The following ITGA6 variants were observed in gnomAD, a reference collection of about 807,000 sequenced individuals.
ITGA6 encodes the protein integrin subunit alpha 6.
Under a neutral mutation model 133.6 loss-of-function variants are expected in ITGA6, and 63 were observed. The ratio of observed to expected loss-of-function variants is 0.47; its 90% CI spans 0.38 to 0.58. The LOEUF is 0.58. Ranked by LOEUF, ITGA6 falls within the 20% of genes least tolerant of loss-of-function variation. The pLI, the probability that ITGA6 is intolerant of heterozygous loss-of-function variation, is 0.00. For missense variants in ITGA6, 1,068 were observed against 1,309.4 expected (o/e 0.82, Z 2.85); for synonymous variants, 434 against 482.0 (o/e 0.90, Z 1.30).
chr2:172,444,692 C>T (rs1574327506), intron 1 of ITGA6, among the ~76,000 whole-genome samples: 2 of 145,630 alleles, frequency 1.4e-5, no homozygotes, highest in African/African-American at 5.1e-5. Flanking sequence ...CCCCAAACCC[C>T]CCTGAGTTTC....
intron 1 of ITGA6, among the ~76,000 whole-genome samples, chr2:172,436,486 C>A (rs1684325363): frequency 6.6e-6 from 1 of 152,152 alleles, no homozygotes. Context: ...GGGAGGTAAG[C>A]TCTGAGAGAC....
chr2:172,497,683 A>T (rs185249676), intron 23 of ITGA6, among the ~76,000 whole-genome samples: 2 of 152,158 alleles, frequency 1.3e-5, no homozygotes, highest in African/African-American at 4.8e-5. Flanking sequence ...AGGGTTCATT[A>T]TACAGTTTAC....
chr2:172,450,986 TA>T (rs1684971479), intron 1 of ITGA6, among the ~76,000 whole-genome samples: 1 of 147,600 alleles, frequency 6.8e-6, no homozygotes, highest in South Asian at 2.1e-4. Flanking sequence ...TGTGTGTGTA[TA>T]TATATACACA....
rs539372215 is a variant in ITGA6 at position 172,496,777 on chromosome 2, G to C, written c.2989-1198G>C. On this transcript the variant is annotated intron_variant, in intron 23 of 25. Coordinates refer to ENST00000684293, the MANE Select transcript of ITGA6 (RefSeq NM_000210.4). ...GGTCTTTAGCATGCTTTGAAAAATAGTTCCTGGTATCACAAAAGTTCATTT... is the reference window on the plus strand; with the variant it reads ...GGTCTTTAGCATGCTTTGAAAAATACTTCCTGGTATCACAAAAGTTCATTT... Among the ~76,000 whole-genome samples, 6 of 152,318 alleles carry C rather than the reference G, an allele frequency of 3.9e-5. No individual in the cohort carries two copies. The South Asian group carries it at 6.2e-4, about 16-fold the overall frequency.
chr2:172,456,478 C>T (rs928356428), intron 1 of ITGA6, among the ~76,000 whole-genome samples: 2 of 152,196 alleles, frequency 1.3e-5, no homozygotes, highest in African/African-American at 4.8e-5. Flanking sequence ...CAAACTAGGA[C>T]ACGTTTAATG....
At chr2:172,462,846 T>C (rs1178644746) in intron 1 of ITGA6, among the ~76,000 whole-genome samples, 1 of 152,218 alleles carries the variant, frequency 6.6e-6, no homozygotes, top group Non-Finnish European at 1.5e-5. Flanking sequence ...CCTTTAGCGC[T>C]GCTGACCAGG....
At chr2:172,436,948 T>C (rs563401492) in intron 1 of ITGA6, among the ~76,000 whole-genome samples, 10 of 151,898 alleles carry the variant, frequency 6.6e-5, no homozygotes, top group African/African-American at 2.2e-4. Context: ...AAATATAAAG[T>C]AGAGAGGGAA....
At position 172,501,747 on chromosome 2, in the gene ITGA6, G is replaced by T; in HGVS notation, c.3115-25G>T. ...CTCTTATACACAAAACTGTAAAATT[G>T]ACTAAATACCTTGCTTCCTTGTAGT... On this transcript the variant is annotated intron_variant, in intron 24 of 25. Coordinates refer to ENST00000684293, the MANE Select transcript of ITGA6 (RefSeq NM_000210.4). 4 of 1,609,112 alleles carry T rather than the reference G, an allele frequency of 2.5e-6. No individual in the cohort carries two copies. In the South Asian group the frequency reaches 3.3e-5, roughly 13 times the overall value.
intron 1 of ITGA6, among the ~76,000 whole-genome samples, chr2:172,431,520 G>T (rs1003159349): frequency 6.6e-6 from 1 of 152,150 alleles, no homozygotes; most frequent in Non-Finnish European, 1.5e-5. Flanking sequence ...CAAGTTCTGG[G>T]TCCGTCCTTC....
chr2:172,428,779 C>T (rs539746173), intron 1 of ITGA6, among the ~76,000 whole-genome samples: 9 of 152,300 alleles, frequency 5.9e-5, no homozygotes, highest in African/African-American at 2.2e-4. Flanking sequence ...CAACCCCCCA[C>T]CGTAGCGGTA....
At chr2:172,441,930 T>C (rs1684560889) in intron 1 of ITGA6, among the ~76,000 whole-genome samples, 1 of 152,178 alleles carries the variant, frequency 6.6e-6, no homozygotes, top group African/African-American at 2.4e-5. Flanking sequence ...AGCTAGCTAA[T>C]GTGTCTGTTT....
chr2:172,502,089 GCA>G (rs1472914978), intron 25 of ITGA6, among the ~76,000 whole-genome samples, 188 bp downstream of exon 25: 2 of 151,944 alleles, frequency 1.3e-5, no homozygotes, highest in African/African-American at 2.4e-5. Flanking sequence ...TTTTTTTAAT[GCA>G]CAGTCTTTCG....
intron 1 of ITGA6, among the ~76,000 whole-genome samples, chr2:172,429,336 A>G (rs1303660762): frequency 6.6e-6 from 1 of 152,142 alleles, no homozygotes; most frequent in African/African-American, 2.4e-5. Flanking sequence ...CTGAAATGAA[A>G]GGTTCCTGTT....
chr2:172,436,838 G>A (rs1352041567), intron 1 of ITGA6, among the ~76,000 whole-genome samples: 1 of 152,172 alleles, frequency 6.6e-6, no homozygotes, highest in Non-Finnish European at 1.5e-5. Context: ...TCTGATCGGG[G>A]AGACAAACCA....
chr2:172,483,553 G>A lies in ITGA6; in HGVS notation c.1550-1229G>A, dbSNP rs374767227. ...TGCTTAATGAATGTAAGTAATTTAA[G>A]TATTGGCCCATGAAAAACAAAGTTA... On this transcript the variant is annotated intron_variant, in intron 11 of 25. Coordinates refer to ENST00000684293, the MANE Select transcript of ITGA6 (RefSeq NM_000210.4). Among the ~76,000 whole-genome samples, 8 of 152,270 alleles carry A rather than the reference G, an allele frequency of 5.3e-5. No homozygotes were observed. The East Asian group carries it at 9.7e-4, about 18-fold the overall frequency.
chr2:172,478,880 TATTA>T lies in ITGA6; in HGVS notation c.1389-757_1389-754del, dbSNP rs549177069. On this transcript the variant is annotated intron_variant, in intron 9 of 25. Coordinates refer to ENST00000684293, the MANE Select transcript of ITGA6 (RefSeq NM_000210.4). ...AGACTCCCAAGTTCAGGATTGCCTGTATTAATTCACATACTGTAGACACGCTGAT... is the reference window on the plus strand; with the variant it reads ...AGACTCCCAAGTTCAGGATTGCCTGTATTCACATACTGTAGACACGCTGAT... Among the ~76,000 whole-genome samples the T allele has an allele frequency of 1.5e-4, 23 of 152,344 alleles. 1 individual carries two copies. In the South Asian group the frequency reaches 4.4e-3, roughly 29 times the overall value.
chr2:172,427,456 C>A (rs942815804), upstream of ITGA6: 124 of 1,054,934 alleles, frequency 1.2e-4, 1 homozygote, highest in Non-Finnish European at 7.9e-5. Flanking sequence ...CAGCTGGAGA[C>A]GCCAGAGCCG....
intron 1 of ITGA6, chr2:172,428,561 AAG>A (rs1683972217): frequency 6.6e-6 from 1 of 150,944 alleles, no homozygotes. Context: ...AAAAAAAAAA[AAG>A]ATGGGGGTGG....
At chr2:172,452,075 T>C (rs533798035) in intron 1 of ITGA6, among the ~76,000 whole-genome samples, 2 of 151,904 alleles carry the variant, frequency 1.3e-5, no homozygotes, top group South Asian at 4.2e-4. Context: ...CTTGTAGATG[T>C]TGTAATGAAA....
Sources: gnomAD v4.1 joint callset for allele counts (sites outside exome capture counted in the v4.1 genomes callset) on GRCh38, gnomAD v4.1.1 for gene constraint, MANE v1.5 for transcripts, NCBI Gene and HGNC (gene_info 2026-07-23, HGNC 2026-07-21) for gene names.